Variants in OCA2 observed in about 807,000 individuals in gnomAD.
OCA2 encodes OCA2 melanosomal transmembrane protein.
A neutral mutation model predicts 100.2 loss-of-function variants in OCA2; 77 were observed. The observed-to-expected ratio is 0.77, with a 90% CI of 0.64 to 0.93. The LOEUF (loss-of-function observed/expected upper bound fraction) is 0.93, where lower values mean the gene tolerates loss of function less well. Among genes scored for constraint, OCA2 ranks in the 40% least tolerant of loss-of-function variants. The pLI is 0.00. For missense variants in OCA2, 1,062 were observed against 1,089.1 expected, an observed-to-expected ratio of 0.98 and a Z score of 0.35; for synonymous variants, 432 against 439.2, an observed-to-expected ratio of 0.98 and a Z score of 0.21.
At chr15:27,916,140 C>A (rs1003067818) in intron 19 of OCA2, among the ~76,000 whole-genome samples, 3 of 152,090 alleles carry the variant, frequency 2.0e-5, no homozygotes, top group Non-Finnish European at 2.9e-5. Context: ...AGGAGCTAAA[C>A]ATTGAGTACA....
chr15:27,873,381 T>C (rs1168226882), intron 19 of OCA2, among the ~76,000 whole-genome samples: 3 of 152,202 alleles, frequency 2.0e-5, no homozygotes, highest in Non-Finnish European at 4.4e-5. Flanking sequence ...CCAGGGGGGA[T>C]AAAATCACCC....
intron 23 of OCA2, among the ~76,000 whole-genome samples, chr15:27,770,649 G>A (rs910106080): frequency 6.6e-6 from 1 of 151,470 alleles, no homozygotes; most frequent in Non-Finnish European, 1.5e-5. Flanking sequence ...GGCCGCTCCC[G>A]TGGCCTCTGA....
At chr15:27,930,328 T>C (rs2039202316) in intron 18 of OCA2, among the ~76,000 whole-genome samples, 2 of 152,184 alleles carry the variant, frequency 1.3e-5, no homozygotes, top group South Asian at 2.1e-4. Flanking sequence ...AATGAATTAT[T>C]GATGTATGCT....
intron 23 of OCA2, among the ~76,000 whole-genome samples, chr15:27,777,894 C>T (rs940195322): frequency 3.9e-5 from 6 of 152,176 alleles, no homozygotes; most frequent in South Asian, 4.1e-4. Context: ...CCAGCCCTAA[C>T]TGAAAAACAG....
At chr15:28,017,498 G>A (rs754257892) in intron 7 of OCA2, among the ~76,000 whole-genome samples, 40 of 152,236 alleles carry the variant, frequency 2.6e-4, no homozygotes, top group Non-Finnish European at 4.6e-4. Flanking sequence ...CCTTGCCAGA[G>A]GGCTGTGCTT....
chr15:27,903,155 A>G (rs1232081468), intron 19 of OCA2, among the ~76,000 whole-genome samples: 1 of 152,204 alleles, frequency 6.6e-6, no homozygotes, highest in Non-Finnish European at 1.5e-5. Context: ...GAGGCTGGAG[A>G]CAGGCTGCAG....
At chr15:28,067,005 A>C (rs1489089206) in intron 2 of OCA2, among the ~76,000 whole-genome samples, 1 of 152,208 alleles carries the variant, frequency 6.6e-6, no homozygotes. Flanking sequence ...TGTGTACCTT[A>C]CATGTATTGA....
At chr15:28,051,865 CT>C (rs1306785724) in intron 2 of OCA2, among the ~76,000 whole-genome samples, 1 of 152,126 alleles carries the variant, frequency 6.6e-6, no homozygotes, top group Non-Finnish European at 1.5e-5. Context: ...CCCATGTTAT[CT>C]TTCCTATAGC....
chr15:28,018,258 G>A, intron 7 of OCA2, 139 bp downstream of exon 7: 1 of 771,906 alleles, frequency 1.3e-6, no homozygotes, highest in South Asian at 1.5e-5. Context: ...CAAAGCAAAA[G>A]ATAAGAAGAG....
the OCA2 span, among the ~76,000 whole-genome samples, chr15:27,719,496 A>G: frequency 6.6e-6 from 1 of 152,212 alleles, no homozygotes; most frequent in Admixed American, 6.5e-5. Context: ...TGCATAACAC[A>G]TATATCCACA....
intron 4 of OCA2, among the ~76,000 whole-genome samples, chr15:28,025,868 T>G (rs2042733400): frequency 6.6e-6 from 1 of 152,258 alleles, no homozygotes; most frequent in African/African-American, 2.4e-5. Context: ...CTTAGTTAAG[T>G]TGCATCTGTC....
At chr15:27,811,592 A>G (rs936232942) in intron 23 of OCA2, among the ~76,000 whole-genome samples, 3 of 152,144 alleles carry the variant, frequency 2.0e-5, no homozygotes, top group Non-Finnish European at 4.4e-5. Context: ...TCTTTTTTCA[A>G]TTTGTAAGTC....
chr15:27,804,364 C>A (rs1235566005), intron 23 of OCA2, among the ~76,000 whole-genome samples: 1 of 152,102 alleles, frequency 6.6e-6, no homozygotes, highest in African/African-American at 2.4e-5. Context: ...ACAAGGAAGG[C>A]ACAATTAACC....
chr15:27,740,137 C>T, the OCA2 span, among the ~76,000 whole-genome samples: 2 of 152,178 alleles, frequency 1.3e-5, no homozygotes, highest in Non-Finnish European at 2.9e-5. Context: ...CTTCCATAGA[C>T]GTGACTTACA....
chr15:27,934,882 A>G (rs531702190), intron 18 of OCA2, among the ~76,000 whole-genome samples: 1 of 152,260 alleles, frequency 6.6e-6, no homozygotes, highest in African/African-American at 2.4e-5. Context: ...ATTCCCTCTT[A>G]CTTTTAATCG....
Position 27,768,142 on chromosome 15 carries a change from GGCCCCT to G in OCA2, c.2433-12676_2433-12671del, listed in dbSNP as rs573327853. ...TTCTAGGTGGATGCCTGTGAGGTGC[GGCCCCT>G]GCCAAGAAAGCAGGTCTGAGCTAGG... is the stretch of plus-strand genomic sequence containing the variant. On this transcript the variant is annotated intron_variant, in intron 23 of 23. Transcript: ENST00000354638. Among the ~76,000 whole-genome samples the G allele has an allele frequency of 1.6e-3, 245 of 152,294 alleles. 1 individual carries two copies. Among genetic ancestry groups the G allele is most frequent in the Non-Finnish European group, 1.3e-3 (87 of 68,036 alleles).
chr15:28,054,328 G>A (rs7175568), intron 2 of OCA2, among the ~76,000 whole-genome samples: 14,013 of 152,206 alleles, frequency 0.092, 820 homozygotes, highest in African/African-American at 0.16. Context: ...ATGCATGTAT[G>A]AAGTGTGTGT....
chr15:28,021,473 C>A (rs538232867), intron 6 of OCA2, among the ~76,000 whole-genome samples: 1 of 152,374 alleles, frequency 6.6e-6, no homozygotes, highest in African/African-American at 2.4e-5. Flanking sequence ...GCCAGCCCCA[C>A]ACTTCAGAAT....
intron 23 of OCA2, among the ~76,000 whole-genome samples, chr15:27,835,381 G>T (rs760972157): frequency 1.3e-5 from 2 of 152,166 alleles, no homozygotes; most frequent in African/African-American, 2.4e-5. Flanking sequence ...GATGCAGGGA[G>T]AAGTCTGAGG....
Sources: gnomAD v4.1 joint callset for allele counts (sites outside exome capture counted in the v4.1 genomes callset) on GRCh38, gnomAD v4.1.1 for gene constraint, MANE v1.5 for transcripts, NCBI Gene and HGNC (gene_info 2026-07-23, HGNC 2026-07-21) for gene names.